Variants in LURAP1L observed in about 807,000 individuals in gnomAD.
LURAP1L encodes the protein leucine rich adaptor protein 1 like, also known as leucine rich adaptor protein 1-like.
LURAP1L carries 12 observed loss-of-function variants against 13.8 expected under a neutral mutation model. That is an observed-to-expected ratio of 0.87 (90% CI 0.56 to 1.41). LURAP1L has a LOEUF of 1.41. Among genes scored for constraint, LURAP1L ranks in the 40% most tolerant of loss-of-function variants. The probability of loss-of-function intolerance (pLI) is 0.00; values close to 1 mark genes in which losing one functional copy is unlikely to be tolerated. For missense variants in LURAP1L, 375 were observed against 292.9 expected, an observed-to-expected ratio of 1.28 and a Z score of -2.04; for synonymous variants, 139 against 119.2, an observed-to-expected ratio of 1.17 and a Z score of -1.08.
intron 1 of LURAP1L, chr9:12,777,342 G>C: frequency 1.0e-6 from 1 of 985,328 alleles, no homozygotes; most frequent in African/African-American, 1.7e-5. Context: ...GCCTGATACC[G>C]TATCACAAAG....
Position 12,821,578 on chromosome 9 carries a change from G to A in LURAP1L, c.505G>A (p.Asp169Asn), listed in dbSNP as rs1279935483. ...SLRGSYNSLH[D>N]GSDGLDGISV... ...ACGTGGCAGCTACAACAGCCTACAC[G>A]ATGGCAGTGATGGGCTGGATGGCAT... Residue 169 changes from aspartate to asparagine, a missense_variant, in exon 2 of 2, where the codon GAT becomes AAT. Coordinates refer to ENST00000319264, the MANE Select transcript of LURAP1L (RefSeq NM_203403.2). The A allele has an allele frequency of 5.0e-6, 8 of 1,614,044 alleles. No homozygotes were observed. The highest frequency in any genetic ancestry group is 2.7e-5 in the African/African-American group (2 of 74,908).
chr9:12,807,701 G>T (rs1490151365), intron 1 of LURAP1L, among the ~76,000 whole-genome samples: 1 of 152,136 alleles, frequency 6.6e-6, no homozygotes, highest in Non-Finnish European at 1.5e-5. Flanking sequence ...TGGATTAATA[G>T]CGATCATATT....
chr9:12,806,282 G>A (rs1258814505), intron 1 of LURAP1L, among the ~76,000 whole-genome samples: 2 of 152,072 alleles, frequency 1.3e-5, no homozygotes, highest in Non-Finnish European at 2.9e-5. Context: ...TGTATAGGTT[G>A]TATATTTTCT....
At chr9:12,779,435 C>T (rs540389620) in intron 1 of LURAP1L, among the ~76,000 whole-genome samples, 6 of 151,968 alleles carry the variant, frequency 3.9e-5, no homozygotes, top group African/African-American at 1.2e-4. Context: ...CAACCACGCC[C>T]GGCTAATTTT....
Position 12,776,045 on chromosome 9 carries a change from G to T in LURAP1L, c.312+18G>T. 1 of 1,612,372 alleles carries T rather than the reference G, an allele frequency of 6.2e-7. No homozygotes were observed. The highest frequency in any genetic ancestry group is 1.3e-5 in the African/African-American group (1 of 75,026). ...AAGAGATGGTGAGTGTGGTGCGCCA[G>T]CCGCGGGGGCTGGGACCTGGGCTGG... On this transcript the variant is annotated intron_variant, in intron 1 of 1. Transcript: ENST00000319264.
chr9:12,804,443 C>T (rs1182740319), intron 1 of LURAP1L, among the ~76,000 whole-genome samples: 1 of 149,824 alleles, frequency 6.7e-6, no homozygotes, highest in Non-Finnish European at 1.5e-5. Context: ...CTCCCAGGTT[C>T]GTGATTCTCT....
rs868230935 is a variant in LURAP1L at position 12,798,117 on chromosome 9, T to C, written c.312+22090T>C. On this transcript the variant is annotated intron_variant, in intron 1 of 1. Coordinates refer to ENST00000319264, the MANE Select transcript of LURAP1L (RefSeq NM_203403.2). ...GTTTACAATAAAAGCATGTATAATT[T>C]AGTATAAAATTGTAAATGCTTCATA... Among the ~76,000 whole-genome samples the C allele has an allele frequency of 2.6e-5, 4 of 152,132 alleles. No homozygotes were observed. The South Asian group carries it at 8.3e-4, about 31-fold the overall frequency.
chr9:12,812,058 T>C (rs1308871836), intron 1 of LURAP1L, among the ~76,000 whole-genome samples: 1 of 152,240 alleles, frequency 6.6e-6, no homozygotes, highest in South Asian at 2.1e-4. Context: ...ATGGCTTCAT[T>C]CAGAGCAAGC....
intron 1 of LURAP1L, among the ~76,000 whole-genome samples, chr9:12,815,387 G>A (rs1819790891): frequency 6.6e-6 from 1 of 152,116 alleles, no homozygotes; most frequent in Admixed American, 6.5e-5. Flanking sequence ...ATAGAAAAGA[G>A]GCCCTGACAG....
intron 1 of LURAP1L, among the ~76,000 whole-genome samples, chr9:12,804,722 G>C (rs111386674): frequency 6.6e-6 from 1 of 152,012 alleles, no homozygotes; most frequent in East Asian, 1.9e-4. Flanking sequence ...TATGCTTAAC[G>C]TTTATTTGGC....
At chr9:12,783,490 A>G (rs2118468120) in intron 1 of LURAP1L, among the ~76,000 whole-genome samples, 1 of 152,316 alleles carries the variant, frequency 6.6e-6, no homozygotes, top group Non-Finnish European at 1.5e-5. Flanking sequence ...TTCTATTGAT[A>G]TGATGTATCA....
chr9:12,775,546 T>A lies in LURAP1L; in HGVS notation c.-170T>A. 8.8e-7 allele frequency: 1 copy of A among 1,132,436 alleles called. No homozygotes were observed. Among genetic ancestry groups the A allele is most frequent in the Non-Finnish European group, 1.2e-6 (1 of 845,004 alleles). 70.1% of individuals were successfully genotyped at this position (1,132,436 alleles called of 1,614,324 possible). ...GCGACCCCCCGCGTCCTGTGCGGAT[T>A]TCAGGGCTGATACCGCATAGGCGGT... On this transcript the variant is annotated 5_prime_UTR_variant, in exon 1 of 2. Transcript: ENST00000319264.
At chr9:12,791,759 G>T (rs1819444072) in intron 1 of LURAP1L, among the ~76,000 whole-genome samples, 1 of 150,792 alleles carries the variant, frequency 6.6e-6, no homozygotes, top group South Asian at 2.1e-4. Flanking sequence ...ATTTGCACAT[G>T]ATATCACTGT....
At chr9:12,812,434 C>A (rs558621476) in intron 1 of LURAP1L, among the ~76,000 whole-genome samples, 2 of 152,216 alleles carry the variant, frequency 1.3e-5, no homozygotes, top group Non-Finnish European at 2.9e-5. Context: ...TGCTTCCTCA[C>A]TTATTTTTAC....
intron 1 of LURAP1L, among the ~76,000 whole-genome samples, chr9:12,783,707 A>G (rs922972340): frequency 6.6e-6 from 1 of 151,712 alleles, no homozygotes; most frequent in African/African-American, 2.4e-5. Flanking sequence ...TCAGGGTAAT[A>G]CTGGCCTAAT....
chr9:12,810,217 G>A (rs1231183804), intron 1 of LURAP1L, among the ~76,000 whole-genome samples: 2 of 152,144 alleles, frequency 1.3e-5, no homozygotes, highest in Non-Finnish European at 2.9e-5. Context: ...ATGAAAGTGC[G>A]GGGTGCCCCT....
At chr9:12,781,759 C>A (rs908260445) in intron 1 of LURAP1L, among the ~76,000 whole-genome samples, 4 of 152,092 alleles carry the variant, frequency 2.6e-5, no homozygotes, top group Non-Finnish European at 5.9e-5. Context: ...TTTCCTTTCT[C>A]CTGAGTATAT....
chr9:12,779,609 T>C (rs894948298), intron 1 of LURAP1L, among the ~76,000 whole-genome samples: 1 of 152,098 alleles, frequency 6.6e-6, no homozygotes, highest in Admixed American at 6.6e-5. Flanking sequence ...ATTGTCACCA[T>C]AATCTTATAG....
At chr9:12,788,148 G>GAAGAAAGAAAGA (rs35187096) in intron 1 of LURAP1L, among the ~76,000 whole-genome samples, 21,494 of 117,146 alleles carry the variant, frequency 0.18, 2,297 homozygotes, top group Non-Finnish European at 0.2. Context: ...GAAAGAGAAA[G>GAAGAAAGAAAGA]AAGAAAGAAA....
Sources: allele counts gnomAD v4.1 joint callset (sites outside exome capture counted in the v4.1 genomes callset), GRCh38; gene constraint gnomAD v4.1.1; transcripts MANE v1.5; gene names NCBI Gene and HGNC (gene_info 2026-07-23, HGNC 2026-07-21).